The following ATXN7 variants were observed in gnomAD, a reference collection of about 807,000 sequenced individuals.
The protein encoded by ATXN7 is ataxin 7, also known as ataxin-7.
ATXN7 carries 12 observed loss-of-function variants against 70.5 expected under a neutral mutation model. The observed-to-expected ratio is 0.17, with a 90% CI of 0.11 to 0.28. The LOEUF is 0.28. Among genes scored for constraint, ATXN7 ranks in the 10% least tolerant of loss-of-function variants. The pLI is 1.00. For synonymous variants in ATXN7, 498 were observed against 448.7 expected (o/e 1.11, Z -1.39); for missense variants, 1,256 against 1,131.7 (o/e 1.11, Z -1.58).
Position 63,912,747 on chromosome 3 carries a change from A to C in ATXN7, c.149A>C (p.His50Pro), listed in dbSNP as rs1024213914. The C allele has an allele frequency of 2.3e-6, 3 of 1,302,428 alleles. No homozygotes were observed. Among genetic ancestry groups the C allele is most frequent in the Non-Finnish European group, 2.9e-6 (3 of 1,024,218 alleles). 80.7% of individuals were successfully genotyped at this position (1,302,428 alleles called of 1,614,324 possible). Residue 50 changes from histidine to proline, a missense_variant, in exon 3 of 13, where the codon CAC (histidine) becomes CCC (proline). His to Pro is a moderately conservative substitution (Grantham distance 77). Coordinates refer to ENST00000674280, the MANE Select transcript of ATXN7 (RefSeq NM_001377405.1). ...PPPPQPQRQQ[H>P]PPPPPRRTRP... ...CCTCCGCAGCCCCAGCGGCAGCAGC[A>C]CCCGCCACCGCCGCCACGGCGCACA...
At chr3:63,980,249 G>A (rs1158965058) in intron 6 of ATXN7, 82 bp downstream of exon 6, 2 of 1,530,004 alleles carry the variant, frequency 1.3e-6, no homozygotes, top group Admixed American at 3.6e-5. Context: ...GAGTGCCTGT[G>A]AGTAATATAA....
chr3:63,934,874 C>G (rs2074630086), intron 4 of ATXN7, among the ~76,000 whole-genome samples: 1 of 152,262 alleles, frequency 6.6e-6, no homozygotes, highest in East Asian at 1.9e-4. Context: ...AGAGAATGTT[C>G]TATGCATTGT....
chr3:63,908,711 G>A (rs117336461), intron 2 of ATXN7, among the ~76,000 whole-genome samples: 1 of 152,286 alleles, frequency 6.6e-6, no homozygotes, highest in East Asian at 1.9e-4. Flanking sequence ...TGGATTTAAT[G>A]TAGGAAAGGT....
intron 5 of ATXN7, among the ~76,000 whole-genome samples, chr3:63,971,865 T>C (rs572498265): frequency 5.9e-5 from 9 of 152,258 alleles, no homozygotes; most frequent in Admixed American, 5.2e-4. Context: ...ATAACAAAAG[T>C]TTAGGGAAAA....
At chr3:63,952,937 A>G (rs2074981042) in intron 5 of ATXN7, among the ~76,000 whole-genome samples, 1 of 148,932 alleles carries the variant, frequency 6.7e-6, no homozygotes, top group South Asian at 2.1e-4. Flanking sequence ...TGAAGAATCC[A>G]AATACAGTTA....
At chr3:63,878,715 A>C (rs1002193508) in intron 1 of ATXN7, among the ~76,000 whole-genome samples, 8 of 152,178 alleles carry the variant, frequency 5.3e-5, no homozygotes, top group Non-Finnish European at 1.2e-4. Context: ...TATCACTGCT[A>C]GATCTGAGGG....
rs1485218833 is a variant in ATXN7, at chr3:64,001,323, G to GGA, written c.*1860_*1861dup. ...ATGATACTACAGGAGAGCTTAGTAA[G>GGA]GAGAGGGCATGGATGGGCCAGTTTG... is the stretch of plus-strand genomic sequence containing the variant. On this transcript the variant is annotated 3_prime_UTR_variant, in exon 13 of 13. Coordinates refer to ENST00000674280, the MANE Select transcript of ATXN7 (RefSeq NM_001377405.1). The GGA allele has an allele frequency of 3.3e-5, 5 of 152,190 alleles. No homozygotes were observed. The highest frequency in any genetic ancestry group is 1.2e-4 in the African/African-American group (5 of 41,450). The allele number at this position is 152,190 out of a possible 1,614,324, so 9.4% of individuals were successfully genotyped here.
chr3:63,941,310 T>A (rs1575927512), intron 4 of ATXN7, among the ~76,000 whole-genome samples: 1 of 149,624 alleles, frequency 6.7e-6, no homozygotes, highest in Non-Finnish European at 1.5e-5. Context: ...GGCTATGGGG[T>A]GGGGGGTTTG....
intron 4 of ATXN7, among the ~76,000 whole-genome samples, chr3:63,944,715 G>A (rs1000374947): frequency 1.3e-5 from 2 of 152,194 alleles, no homozygotes; most frequent in African/African-American, 2.4e-5. Flanking sequence ...GGGACCTTGA[G>A]ACAAACATTT....
intron 1 of ATXN7, among the ~76,000 whole-genome samples, chr3:63,876,652 A>G (rs1702755610): frequency 6.6e-6 from 1 of 152,238 alleles, no homozygotes; most frequent in Non-Finnish European, 1.5e-5. Flanking sequence ...ATCAGTTGTC[A>G]TAATAAACAG....
At chr3:63,997,055 A>G (rs1036367231) in intron 12 of ATXN7, among the ~76,000 whole-genome samples, 1 of 152,170 alleles carries the variant, frequency 6.6e-6, no homozygotes, top group Non-Finnish European at 1.5e-5. Flanking sequence ...TCAGGAGTTC[A>G]AGACCAGCCT....
chr3:63,975,438 A>G (rs377766512), intron 5 of ATXN7, among the ~76,000 whole-genome samples: 41 of 152,202 alleles, frequency 2.7e-4, no homozygotes, highest in African/African-American at 8.9e-4. Context: ...GGGAATAACC[A>G]CTTTTTAAAA....
chr3:63,949,037 C>G (rs1031545235), intron 4 of ATXN7, among the ~76,000 whole-genome samples: 2 of 151,580 alleles, frequency 1.3e-5, no homozygotes, highest in Non-Finnish European at 2.9e-5. Context: ...TTTTTATTTT[C>G]TGTTGTAAAT....
Position 63,995,693 on chromosome 3 carries a change from C to T in ATXN7, c.1871C>T (p.Thr624Ile). ...NSKSVPAHGT[T>I]LNAQPAASGA... is the part of the protein sequence containing the mutation. Reference sequence around the variant, plus strand: ...AAATCGGTACCAGCTCATGGAACCACACTAAATGCACAGCCTGCTGCTTCA... The same window carrying T: ...AAATCGGTACCAGCTCATGGAACCATACTAAATGCACAGCCTGCTGCTTCA... The change falls in exon 12 of 13, where the codon ACA (threonine) becomes ATA (isoleucine). Residue 624 changes from threonine (T) to isoleucine (I), a missense_variant. Transcript: ENST00000674280. The T allele has an allele frequency of 6.2e-7, 1 of 1,614,230 alleles. No homozygotes were observed. The highest frequency in any genetic ancestry group is 8.5e-7 in the Non-Finnish European group (1 of 1,180,044).
intron 4 of ATXN7, among the ~76,000 whole-genome samples, chr3:63,925,886 A>G (rs935190769): frequency 6.6e-6 from 1 of 152,154 alleles, no homozygotes; most frequent in Non-Finnish European, 1.5e-5. Flanking sequence ...AACTTGTTGC[A>G]GCCTTGGCAG....
chr3:63,985,883 G>A (rs2075571260), intron 8 of ATXN7, among the ~76,000 whole-genome samples: 1 of 152,198 alleles, frequency 6.6e-6, no homozygotes, highest in Non-Finnish European at 1.5e-5. Flanking sequence ...CAATAACCAC[G>A]TGTTCCCTAT....
intron 11 of ATXN7, among the ~76,000 whole-genome samples, chr3:63,992,613 A>G (rs902604158): frequency 9.2e-5 from 14 of 152,270 alleles, no homozygotes; most frequent in African/African-American, 3.1e-4. Flanking sequence ...AGTGGCTTGT[A>G]TAGTGAGACT....
At chr3:63,987,170 ATTTGT>A (rs913837715) in intron 8 of ATXN7, among the ~76,000 whole-genome samples, 13 of 152,108 alleles carry the variant, frequency 8.5e-5, no homozygotes, top group Non-Finnish European at 1.6e-4. Flanking sequence ...TATTAGGCTT[ATTTGT>A]TTTGTTTTGT....
chr3:63,955,946 T>C (rs776755301), intron 5 of ATXN7, among the ~76,000 whole-genome samples: 10 of 152,214 alleles, frequency 6.6e-5, no homozygotes, highest in Non-Finnish European at 1.5e-4. Context: ...GTAAAACTAT[T>C]CTGAATTGGT....
Sources: gnomAD v4.1 joint callset for allele counts (sites outside exome capture counted in the v4.1 genomes callset) on GRCh38, gnomAD v4.1.1 for gene constraint, MANE v1.5 for transcripts, NCBI Gene and HGNC (gene_info 2026-07-23, HGNC 2026-07-21) for gene names.